Variants in CACNA2D4 observed in about 807,000 individuals in gnomAD.
The protein encoded by CACNA2D4 is voltage-dependent calcium channel subunit alpha-2/delta-4.
In CACNA2D4, 157 loss-of-function variants were observed where a neutral mutation model predicts 163.8. The observed-to-expected ratio is 0.96, with a 90% confidence interval of 0.84 to 1.09. CACNA2D4 has a LOEUF of 1.09. CACNA2D4 is among the 50% of genes least tolerant of loss of function. The pLI, the probability that CACNA2D4 is intolerant of heterozygous loss-of-function variation, is 0.00. For synonymous variants in CACNA2D4, 598 were observed against 586.9 expected (o/e 1.02, Z -0.27); for missense variants, 1,410 against 1,479.9 (o/e 0.95, Z 0.78).
chr12:1,838,044 A>C (rs545724041), intron 26 of CACNA2D4, among the ~76,000 whole-genome samples: 1 of 152,252 alleles, frequency 6.6e-6, no homozygotes, highest in South Asian at 2.1e-4. Flanking sequence ...CTGGACAATC[A>C]CTTGCCCGTT....
chr12:1,796,556 C>T (rs1290039634), intron 35 of CACNA2D4, among the ~76,000 whole-genome samples: 1 of 152,240 alleles, frequency 6.6e-6, no homozygotes, highest in East Asian at 1.9e-4. Context: ...TCTATCCTCG[C>T]ACCGAGCCTT....
chr12:1,847,114 G>A (rs1266944627), intron 23 of CACNA2D4, among the ~76,000 whole-genome samples: 2 of 152,154 alleles, frequency 1.3e-5, no homozygotes, highest in Non-Finnish European at 2.9e-5. Context: ...CCTTCTTACC[G>A]AAACGTGAAG....
intron 14 of CACNA2D4, 110 bp downstream of exon 14, chr12:1,879,694 T>C: frequency 2.3e-6 from 2 of 875,010 alleles, no homozygotes; most frequent in Non-Finnish European, 3.7e-6. Context: ...ATTCAAACCC[T>C]CCCAAGGTGG....
chr12:1,895,928 C>T (rs571352039), intron 6 of CACNA2D4, among the ~76,000 whole-genome samples: 1 of 152,220 alleles, frequency 6.6e-6, no homozygotes, highest in Non-Finnish European at 1.5e-5. Flanking sequence ...TGTGAGCCAC[C>T]ATGCCTGGCC....
chr12:1,839,355 G>A (rs181764368), intron 26 of CACNA2D4, among the ~76,000 whole-genome samples: 30 of 152,330 alleles, frequency 2.0e-4, no homozygotes, highest in Admixed American at 5.9e-4. Flanking sequence ...GCGCTTCATC[G>A]CAGGGACCTG....
In CACNA2D4 at chr12:1,829,690, T is replaced by A. The variant is rs1409876734; in HGVS notation, c.2551+11049A>T. On this transcript the variant is annotated intron_variant, in intron 26 of 37. Transcript: ENST00000382722. The surrounding 1 kb of genome is among the most constrained non-coding windows in gnomAD (Gnocchi z 4.2). The stretch of plus-strand genomic sequence containing the variant: ...CTGTTCAGACCCAGCTCACAGCCCA[T>A]CGGCCCACCCCGACCTGGGACAGCC... Among the ~76,000 whole-genome samples, 5 of 144,742 alleles carry A rather than the reference T, an allele frequency of 3.5e-5. No homozygotes were observed. The highest frequency in any genetic ancestry group is 1.3e-4 in the African/African-American group (5 of 39,854). 95.0% of individuals were successfully genotyped at this position (144,742 alleles called of 152,430 possible).
Position 1,842,274 on chromosome 12 carries a change from C to T in CACNA2D4, c.2471-1455G>A, listed in dbSNP as rs145644190. 8.1e-3 allele frequency among the ~76,000 whole-genome samples: 1,229 copies of T among 152,194 alleles called. 10 individuals carry two copies. The highest frequency in any genetic ancestry group is 0.012 in the Non-Finnish European group (803 of 67,994). The stretch of plus-strand genomic sequence containing the variant: ...CATATTTCTGAGGCTCTGCTGTGTG[C>T]GGACAGGTTTCTAGGCACTGACTGC... On this transcript the variant is annotated intron_variant, in intron 25 of 37. Transcript: ENST00000382722.
In CACNA2D4 at chr12:1,875,212, G is replaced by A; in HGVS notation, c.1806+39C>T. 1 of 1,431,306 alleles carries A rather than the reference G, an allele frequency of 7.0e-7. No homozygotes were observed. The highest frequency in any genetic ancestry group is 9.9e-7 in the Non-Finnish European group (1 of 1,013,506). The allele number at this position is 1,431,306 out of a possible 1,614,324, so 88.7% of individuals were successfully genotyped here. ...GCTGACCCATTTAGTTGGATGTAGA[G>A]CCTAACTAGCTTCCCTTCCCCCTAT... On this transcript the variant is annotated intron_variant, in intron 17 of 37. Coordinates refer to ENST00000382722, the MANE Select transcript of CACNA2D4 (RefSeq NM_172364.5). The surrounding 1 kb of genome is among the most constrained non-coding windows in gnomAD (Gnocchi z 4.0).
intron 20 of CACNA2D4, among the ~76,000 whole-genome samples, chr12:1,858,297 G>A (rs756972415): frequency 2.6e-5 from 4 of 152,132 alleles, no homozygotes; most frequent in Admixed American, 6.5e-5. Flanking sequence ...CTGCCTTGAC[G>A]GTCCTTCTAG....
At chr12:1,836,917 C>T (rs544845160) in intron 26 of CACNA2D4, among the ~76,000 whole-genome samples, 26 of 152,262 alleles carry the variant, frequency 1.7e-4, no homozygotes, top group African/African-American at 5.5e-4. Flanking sequence ...GCTGGGGCAC[C>T]GCTGGGAGAG....
chr12:1,879,135 C>T (rs1203549922), intron 14 of CACNA2D4, 99 bp from the exon 15 acceptor site: 2 of 891,678 alleles, frequency 2.2e-6, no homozygotes, highest in African/African-American at 3.4e-5. Context: ...GAGGAAGCCA[C>T]TTAGGCTTTA....
At position 1,884,981 on chromosome 12, in the gene CACNA2D4, G is replaced by A. The variant is rs1866100306; in HGVS notation, c.1158+6C>T. ...CTCCCCTCCCAGGCCTCATTACAGT[G>A]GGCACCTGCTTCAGGATCTGGAAGG... On this transcript the variant is annotated splice_donor_region_variant and intron_variant, in intron 10 of 37. Coordinates refer to ENST00000382722, the MANE Select transcript of CACNA2D4 (RefSeq NM_172364.5). 1 of 1,612,648 alleles carries A rather than the reference G, an allele frequency of 6.2e-7. No homozygotes were observed. The highest frequency in any genetic ancestry group is 1.3e-5 in the African/African-American group (1 of 74,866).
intron 5 of CACNA2D4, 100 bp from the exon 6 acceptor site, chr12:1,907,671 TCTGGTAAGCGTGC>T: frequency 9.2e-7 from 1 of 1,085,624 alleles, no homozygotes; most frequent in Middle Eastern, 2.2e-4. Flanking sequence ...GGTGGGCGTG[TCTGGTAAGCGTGC>T]CTGGTGGGTG....
intron 26 of CACNA2D4, chr12:1,830,975 C>T (rs1461007032): frequency 1.9e-6 from 3 of 1,613,262 alleles, no homozygotes; most frequent in Non-Finnish European, 2.5e-6. Context: ...TGGAGGCCCT[C>T]CCCACCTGCC....
chr12:1,817,013 G>A (rs1863899238), intron 26 of CACNA2D4, among the ~76,000 whole-genome samples: 1 of 152,228 alleles, frequency 6.6e-6, no homozygotes, highest in Non-Finnish European at 1.5e-5. Flanking sequence ...CTCCAGCTTT[G>A]CCCTCCTAGC....
At chr12:1,914,444 A>G (rs1046910957) in intron 2 of CACNA2D4, among the ~76,000 whole-genome samples, 5 of 152,140 alleles carry the variant, frequency 3.3e-5, no homozygotes, top group African/African-American at 1.2e-4. Flanking sequence ...CGCAGAGGCC[A>G]CAGCCCTTTC....
At chr12:1,847,589 G>A (rs1015656834) in intron 23 of CACNA2D4, among the ~76,000 whole-genome samples, 15 of 152,260 alleles carry the variant, frequency 9.9e-5, no homozygotes, top group East Asian at 3.9e-4. Context: ...CATAGGACTC[G>A]AGCTGCACAG....
chr12:1,864,022 G>T (rs778797442), intron 18 of CACNA2D4, among the ~76,000 whole-genome samples: 1 of 152,384 alleles, frequency 6.6e-6, no homozygotes. Flanking sequence ...GCCGCCAGCC[G>T]TGAGTGGCCG....
chr12:1,831,659 C>A, intron 26 of CACNA2D4: 1 of 722,064 alleles, frequency 1.4e-6, no homozygotes, highest in Non-Finnish European at 2.3e-6. Flanking sequence ...TGCCTCTGTG[C>A]CAGCTCGGCT....
Sources: allele counts gnomAD v4.1 joint callset (sites outside exome capture counted in the v4.1 genomes callset), GRCh38; gene constraint gnomAD v4.1.1; non-coding constraint Gnocchi (gnomAD v3.1); transcripts MANE v1.5; gene names NCBI Gene and HGNC (gene_info 2026-07-23, HGNC 2026-07-21).